URB1: variants seen among roughly 807,000 people sequenced by gnomAD.
URB1 encodes nucleolar pre-ribosomal-associated protein 1.
A neutral mutation model predicts 242.3 loss-of-function variants in URB1; 197 were observed. That is an observed-to-expected ratio of 0.81 (90% CI 0.72 to 0.91). URB1 has a LOEUF of 0.91. URB1 is among the 40% of genes least tolerant of loss of function. URB1 has a pLI of 0.00. For synonymous variants in URB1, 1,153 were observed against 1,201.8 expected, an observed-to-expected ratio of 0.96 and a Z score of 0.84; for missense variants, 2,721 against 2,860.5, an observed-to-expected ratio of 0.95 and a Z score of 1.11.
intron 4 of URB1, among the ~76,000 whole-genome samples, chr21:32,382,329 C>T (rs2033535962): frequency 6.6e-6 from 1 of 152,160 alleles, no homozygotes; most frequent in South Asian, 2.1e-4. Context: ...GGAGCCATTA[C>T]TCATTGAATG....
intron 1 of URB1, among the ~76,000 whole-genome samples, chr21:32,388,767 T>C (rs375753195): frequency 6.6e-6 from 1 of 152,238 alleles, no homozygotes; most frequent in Non-Finnish European, 1.5e-5. Context: ...TTTTAAGGAA[T>C]TATTCGTCAA....
chr21:32,341,559 CA>C, intron 24 of URB1, 35 bp from the exon 25 acceptor site: 1 of 1,542,826 alleles, frequency 6.5e-7, no homozygotes, highest in Non-Finnish European at 8.8e-7. Flanking sequence ...ACACATGAAA[CA>C]TCTCAGTCTA....
In URB1 at chr21:32,368,476, A is replaced by G; in HGVS notation, c.1124T>C (p.Phe375Ser). The change falls in exon 9 of 39, where the codon TTC becomes TCC. Residue 375 changes from phenylalanine (F) to serine (S), a missense_variant. Transcript: ENST00000382751. ...GATAAAGGAAAACGTTACTTCCTTG[A>G]AGTATTTGTTCAGTAAGTCCGGGCA... Reference protein sequence around the residue: ...KVCPDLLNKYFKEVTFSFIPR... With the variant: ...KVCPDLLNKYSKEVTFSFIPR... 3 of 1,551,916 alleles carry G rather than the reference A, an allele frequency of 1.9e-6. No homozygotes were observed. Among genetic ancestry groups the G allele is most frequent in the Non-Finnish European group, 2.6e-6 (3 of 1,147,040 alleles).
intron 32 of URB1, among the ~76,000 whole-genome samples, chr21:32,323,990 C>T (rs915222252): frequency 6.6e-6 from 1 of 152,096 alleles, no homozygotes; most frequent in South Asian, 2.1e-4. Flanking sequence ...GTGTGATCCT[C>T]ATCACCCTCA....
intron 5 of URB1, 50 bp downstream of exon 5, chr21:32,378,395 G>C: frequency 6.7e-7 from 1 of 1,499,542 alleles, no homozygotes; most frequent in Non-Finnish European, 9.1e-7. Context: ...GTTTGCAGTA[G>C]GTTTTTCAAA....
intron 38 of URB1, 53 bp downstream of exon 38, chr21:32,316,413 A>G: frequency 1.4e-6 from 2 of 1,458,816 alleles, no homozygotes; most frequent in South Asian, 2.9e-5. Context: ...TCCTGCCCCC[A>G]GGCCCACTTC....
At chr21:32,349,539 G>A (rs2033132507) in intron 20 of URB1, 56 bp from the exon 21 acceptor site, 4 of 1,462,468 alleles carry the variant, frequency 2.7e-6, no homozygotes, top group Non-Finnish European at 3.6e-6. Context: ...ACAGCTACCA[G>A]GCAGTGACTT....
At chr21:32,328,759 C>T (rs2032860055) in intron 30 of URB1, among the ~76,000 whole-genome samples, 1 of 152,184 alleles carries the variant, frequency 6.6e-6, no homozygotes. Flanking sequence ...CTGTTTTGTG[C>T]TCATCTCTGC....
chr21:32,349,079 G>A (rs1196968995), intron 21 of URB1, among the ~76,000 whole-genome samples: 1 of 152,258 alleles, frequency 6.6e-6, no homozygotes, highest in Non-Finnish European at 1.5e-5. Context: ...GTGAGAGAAA[G>A]CTGTCTGCAG....
At chr21:32,352,579 G>T in intron 19 of URB1, 131 bp downstream of exon 19, 3 of 1,025,074 alleles carry the variant, frequency 2.9e-6, no homozygotes, top group Non-Finnish European at 4.3e-6. Context: ...CTTATGCAGG[G>T]GACTTTAGGG....
chr21:32,378,566 G>T, intron 4 of URB1, 25 bp from the exon 5 acceptor site: 8 of 1,533,770 alleles, frequency 5.2e-6, no homozygotes, highest in Non-Finnish European at 7.1e-6. Context: ...AGACCTACAT[G>T]TCACATGCAT....
In URB1 at chr21:32,366,728, G is replaced by C; in HGVS notation, c.1225C>G (p.Arg409Gly). ...ATAAACTCTCTGGTCTGAAATGCCC[G>C]GGAAATCTCCGGCTGAGCCTCATAG... is the stretch of plus-strand genomic sequence containing the variant. ...KIYEAQPEIS[R>G]AFQTREFIPL... Residue 409 changes from arginine (R) to glycine (G), a missense_variant, in exon 10 of 39, where the codon CGG (arginine) becomes GGG (glycine). Coordinates refer to ENST00000382751, the MANE Select transcript of URB1 (RefSeq NM_014825.3). The C allele has an allele frequency of 6.4e-7, 1 of 1,551,494 alleles. No homozygotes were observed.
At chr21:32,376,189 G>A (rs1231022962) in intron 5 of URB1, among the ~76,000 whole-genome samples, 1 of 152,134 alleles carries the variant, frequency 6.6e-6, no homozygotes, top group Non-Finnish European at 1.5e-5. Flanking sequence ...TTAAAGAGAT[G>A]GTCATGATTT....
intron 26 of URB1, among the ~76,000 whole-genome samples, chr21:32,337,821 C>G (rs1282616338): frequency 6.6e-6 from 1 of 151,928 alleles, no homozygotes; most frequent in Non-Finnish European, 1.5e-5. Context: ...CCGCGCCCAG[C>G]CCCCCACGTG....
At position 32,363,276 on chromosome 21, in the gene URB1, C is replaced by T; in HGVS notation, c.1389G>A (p.Leu463=). ...HTALSLISVI[L]KRALKTVDHC... is the part of the protein sequence containing the mutation. ...GGTCAACAGTTTTTAATGCCCTCTTCAAAATGACAGAAATAAGGGATAAGG... is the reference window on the plus strand; with the variant it reads ...GGTCAACAGTTTTTAATGCCCTCTTTAAAATGACAGAAATAAGGGATAAGG... The change falls in exon 11 of 39, where the codon TTG becomes TTA. Residue 463 remains leucine, a synonymous_variant. Coordinates refer to ENST00000382751, the MANE Select transcript of URB1 (RefSeq NM_014825.3). The T allele has an allele frequency of 6.4e-7, 1 of 1,551,822 alleles. No homozygotes were observed. Among genetic ancestry groups the T allele is most frequent in the Non-Finnish European group, 8.7e-7 (1 of 1,147,050 alleles).
intron 4 of URB1, among the ~76,000 whole-genome samples, chr21:32,381,500 TGAGGGA>T (rs2033526787): frequency 7.2e-6 from 1 of 139,406 alleles, no homozygotes; most frequent in African/African-American, 2.7e-5. Context: ...GGGGATGGCA[TGAGGGA>T]GAAAAACTCA....
At chr21:32,342,782 T>C (rs1327554337) in intron 24 of URB1, among the ~76,000 whole-genome samples, 4 of 152,166 alleles carry the variant, frequency 2.6e-5, no homozygotes, top group Non-Finnish European at 4.4e-5. Flanking sequence ...CATGTTCTCT[T>C]TCCCCCAGCA....
Position 32,334,289 on chromosome 21 carries a change from G to A in URB1, c.4731C>T (p.Cys1577=). Residue 1577 remains cysteine, a synonymous_variant, in exon 29 of 39, where the codon TGC becomes TGT. Transcript: ENST00000382751. ...GCCACAGTGACCTGCCCAGGCTCCG[G>A]CACGTCTTGTGATGCTCCACGGCCG... ...GPAAVEHHKT[C]RSLGRSLWQQ... 1 of 1,551,494 alleles carries A rather than the reference G, an allele frequency of 6.4e-7. No homozygotes were observed. The highest frequency in any genetic ancestry group is 8.7e-7 in the Non-Finnish European group (1 of 1,146,912).
intron 38 of URB1, among the ~76,000 whole-genome samples, chr21:32,315,314 TAA>T (rs66474832): frequency 0.019 from 2,572 of 136,414 alleles, 51 homozygotes; most frequent in East Asian, 0.092. Context: ...TTCTTTTCTT[TAA>T]AAAAAAAAAA....
Sources: gnomAD v4.1 joint callset for allele counts (sites outside exome capture counted in the v4.1 genomes callset) on GRCh38, gnomAD v4.1.1 for gene constraint, MANE v1.5 for transcripts, NCBI Gene and HGNC (gene_info 2026-07-23, HGNC 2026-07-21) for gene names.